GLDC: variants seen among roughly 807,000 people sequenced by gnomAD.
The protein encoded by GLDC is glycine dehydrogenase (decarboxylating), mitochondrial.
In GLDC, 104 loss-of-function variants were observed where a neutral mutation model predicts 121.3. That is an observed-to-expected ratio of 0.86 (90% confidence interval 0.73 to 1.01). The LOEUF (loss-of-function observed/expected upper bound fraction) is 1.01, where lower values mean the gene tolerates loss of function less well. Ranked by LOEUF, GLDC falls within the 50% of genes least tolerant of loss-of-function variation. The pLI is 0.00. For missense variants in GLDC, 1,429 were observed against 1,306.6 expected (o/e 1.09, Z -1.44); for synonymous variants, 546 against 480.6 (o/e 1.14, Z -1.78).
rs749710107 is a variant in GLDC at position 6,644,665 on chromosome 9, C to G, written c.283G>C (p.Val95Leu). Residue 95 changes from valine (V) to leucine (L), a missense_variant, in exon 2 of 25, where the codon GTC (valine) becomes CTC (leucine). Coordinates refer to ENST00000321612, the MANE Select transcript of GLDC (RefSeq NM_000170.3). ...CTTTTCAAACGGATGTTGGCAGGGACCGTCTTCTCGATCAATTCATCAATG... is the reference window on the plus strand; with the variant it reads ...CTTTTCAAACGGATGTTGGCAGGGAGCGTCTTCTCGATCAATTCATCAATG... The part of the protein sequence containing the change: ...ASIDELIEKT[V>L]PANIRLKRPL... 6.2e-7 allele frequency: 1 copy of G among 1,613,286 alleles called. No individual in the cohort carries two copies. Among genetic ancestry groups the G allele is most frequent in the African/African-American group, 1.3e-5 (1 of 75,006 alleles).
At chr9:6,616,447 C>A (rs1818968377) in intron 3 of GLDC, among the ~76,000 whole-genome samples, 1 of 152,122 alleles carries the variant, frequency 6.6e-6, no homozygotes, top group Non-Finnish European at 1.5e-5. Flanking sequence ...TTGTATTAGT[C>A]TAGAGGTTTT....
intron 15 of GLDC, among the ~76,000 whole-genome samples, chr9:6,575,491 G>C (rs1284577178): frequency 1.3e-5 from 2 of 152,186 alleles, no homozygotes; most frequent in African/African-American, 4.8e-5. Flanking sequence ...AAACTCTGTA[G>C]GGTGAGGCTC....
intron 21 of GLDC, chr9:6,541,914 C>T (rs1282326281): frequency 8.2e-6 from 1 of 122,334 alleles, no homozygotes; most frequent in Non-Finnish European, 1.6e-5. Flanking sequence ...ATTTTTAAAC[C>T]ACGCTTGAAG....
intron 17 of GLDC, 71 bp from the exon 18 acceptor site, chr9:6,556,373 T>G: frequency 7.8e-7 from 1 of 1,286,344 alleles, no homozygotes; most frequent in Non-Finnish European, 1.1e-6. Flanking sequence ...ATCCTCGCCT[T>G]TCATTTTAAA....
At chr9:6,632,435 C>G (rs1295924852) in intron 2 of GLDC, among the ~76,000 whole-genome samples, 1 of 152,198 alleles carries the variant, frequency 6.6e-6, no homozygotes, top group Non-Finnish European at 1.5e-5. Context: ...GTTGATGATA[C>G]AGGCATTGAG....
At chr9:6,639,490 A>T in intron 2 of GLDC, 4 of 874,102 alleles carry the variant, frequency 4.6e-6, no homozygotes, top group Non-Finnish European at 3.9e-6. Flanking sequence ...AAGAAGCTCT[A>T]TGACAATGAT....
rs200706904 is a variant in GLDC, at chr9:6,602,097, C to A, written c.1155+12G>T. On this transcript the variant is annotated intron_variant, in intron 8 of 24. Transcript: ENST00000321612. ...TAAGGCATTCAGTAGTCAGGTCAGACGTGTGATTTACCTGAGCTGTACAGA... is the reference window on the plus strand; with the variant it reads ...TAAGGCATTCAGTAGTCAGGTCAGAAGTGTGATTTACCTGAGCTGTACAGA... The A allele has an allele frequency of 2.7e-6, 4 of 1,506,240 alleles. No individual in the cohort carries two copies. The highest frequency in any genetic ancestry group is 3.7e-6 in the Non-Finnish European group (4 of 1,081,422). 93.3% of individuals were successfully genotyped at this position (1,506,240 alleles called of 1,614,324 possible). A position where few individuals can be genotyped will look rare whatever the true frequency, so the allele number is the denominator to read the frequency against.
chr9:6,606,492 C>G, intron 5 of GLDC, 100 bp downstream of exon 5: 1 of 851,904 alleles, frequency 1.2e-6, no homozygotes, highest in East Asian at 2.4e-5. Flanking sequence ...AACCCTGTTT[C>G]AGATTCACCT....
Position 6,537,589 on chromosome 9 carries a change from T to C in GLDC, c.2666-1353A>G, listed in dbSNP as rs960590022. Among the ~76,000 whole-genome samples, 4 of 152,310 alleles carry C rather than the reference T, an allele frequency of 2.6e-5. No individual in the cohort carries two copies. The East Asian group carries it at 7.7e-4, about 29-fold the overall frequency. ...TAAGCCCAGGAGTTTGAGACCTGCC[T>C]GGGCAACATGGCAAAACCCCGTCTC... is the stretch of plus-strand genomic sequence containing the variant. On this transcript the variant is annotated intron_variant, in intron 22 of 24. Transcript: ENST00000321612.
chr9:6,604,863 C>A, intron 6 of GLDC, 79 bp from the exon 7 acceptor site: 1 of 1,194,008 alleles, frequency 8.4e-7, no homozygotes, highest in East Asian at 2.3e-5. Flanking sequence ...ATTATCTTAA[C>A]TACAGGAAGA....
intron 15 of GLDC, among the ~76,000 whole-genome samples, chr9:6,571,397 C>T (rs539087060): frequency 6.6e-6 from 1 of 152,248 alleles, no homozygotes; most frequent in Admixed American, 6.5e-5. Flanking sequence ...ACAACAATAA[C>T]TAAGAATAAA....
intron 3 of GLDC, among the ~76,000 whole-genome samples, chr9:6,619,067 C>T (rs773548035): frequency 1.3e-4 from 18 of 141,774 alleles, no homozygotes; most frequent in Non-Finnish European, 2.1e-4. Flanking sequence ...CACTTGAACT[C>T]GAAGGGCAGA....
At chr9:6,625,773 C>T (rs1044767959) in intron 2 of GLDC, among the ~76,000 whole-genome samples, 1 of 151,736 alleles carries the variant, frequency 6.6e-6, no homozygotes, top group Non-Finnish European at 1.5e-5. Context: ...TGTTCATTCC[C>T]ACTGATAGGA....
intron 2 of GLDC, among the ~76,000 whole-genome samples, chr9:6,638,394 T>A (rs532004014): frequency 1.1e-3 from 167 of 152,204 alleles, no homozygotes; most frequent in African/African-American, 3.8e-3. Context: ...TCTGTATTTT[T>A]AGTAGAGACG....
intron 24 of GLDC, among the ~76,000 whole-genome samples, chr9:6,533,887 C>A (rs980763276): frequency 3.4e-5 from 5 of 148,696 alleles, no homozygotes; most frequent in Non-Finnish European, 5.9e-5. Flanking sequence ...ATTTCTCATA[C>A]TGTGTATTAA....
chr9:6,640,350 C>T (rs1408990912), intron 2 of GLDC, among the ~76,000 whole-genome samples: 1 of 152,266 alleles, frequency 6.6e-6, no homozygotes, highest in African/African-American at 2.4e-5. Flanking sequence ...CAGGCAGGAC[C>T]TGGCAATGGG....
chr9:6,534,451 A>T (rs1029762096), intron 24 of GLDC, among the ~76,000 whole-genome samples: 2 of 151,052 alleles, frequency 1.3e-5, no homozygotes, highest in Admixed American at 1.3e-4. Flanking sequence ...GGAGGGAAAC[A>T]CATTGGTCCA....
chr9:6,640,455 C>T (rs1441512511), intron 2 of GLDC, among the ~76,000 whole-genome samples: 1 of 152,188 alleles, frequency 6.6e-6, no homozygotes, highest in Non-Finnish European at 1.5e-5. Context: ...GTGCGCAACC[C>T]AACTAGGGTG....
intron 3 of GLDC, 122 bp downstream of exon 3, chr9:6,620,062 G>T (rs991936121): frequency 4.3e-6 from 4 of 940,422 alleles, no homozygotes; most frequent in Non-Finnish European, 7.0e-6. Context: ...CCCGGACATT[G>T]GAGACAGCAC....
Sources: gnomAD v4.1 joint callset for allele counts (sites outside exome capture counted in the v4.1 genomes callset) on GRCh38, gnomAD v4.1.1 for gene constraint, MANE v1.5 for transcripts, NCBI Gene and HGNC (gene_info 2026-07-23, HGNC 2026-07-21) for gene names.